DLGAP2: variants seen among roughly 807,000 people sequenced by gnomAD.
DLGAP2 encodes the protein disks large-associated protein 2.
DLGAP2 carries 26 observed loss-of-function variants against 100.3 expected under a neutral mutation model. That is an observed-to-expected ratio of 0.26 (90% CI 0.19 to 0.36). The LOEUF is 0.36. Ranked by LOEUF, DLGAP2 falls within the 10% of genes least tolerant of loss-of-function variation. The pLI is 1.00. For missense variants in DLGAP2, 1,858 were observed against 1,453.2 expected, an observed-to-expected ratio of 1.28 and a Z score of -4.53; for synonymous variants, 886 against 630.1, an observed-to-expected ratio of 1.41 and a Z score of -6.08.
At chr8:1,430,013 T>TATATATATATATATATATATATATATAC (rs1170347980) in intron 3 of DLGAP2, among the ~76,000 whole-genome samples, 2 of 76,062 alleles carry the variant, frequency 2.6e-5, no homozygotes, top group African/African-American at 9.8e-5. Context: ...TATACATATA[T>TATATATATATATATATATATATATATAC]ATATATATAT....
intron 2 of DLGAP2, among the ~76,000 whole-genome samples, chr8:1,005,584 A>ATTTT (rs11370572): frequency 6.9e-6 from 1 of 145,002 alleles, no homozygotes; most frequent in Non-Finnish European, 1.5e-5. Context: ...TGCCCAGCTA[A>ATTTT]TTTTTTTTTT....
At chr8:1,436,942 G>T (rs1797650300) in intron 3 of DLGAP2, among the ~76,000 whole-genome samples, 1 of 152,260 alleles carries the variant, frequency 6.6e-6, no homozygotes, top group African/African-American at 2.4e-5. Context: ...CTTCAGTGCA[G>T]TCACACGCTG....
At chr8:1,087,594 T>G (rs189452890) in intron 2 of DLGAP2, among the ~76,000 whole-genome samples, 2 of 152,132 alleles carry the variant, frequency 1.3e-5, no homozygotes, top group Admixed American at 1.3e-4. Context: ...ATCTTCATCT[T>G]CTAGGCTGTC....
At chr8:1,463,091 A>G (rs563881516) in intron 3 of DLGAP2, among the ~76,000 whole-genome samples, 28 of 152,158 alleles carry the variant, frequency 1.8e-4, no homozygotes, top group Non-Finnish European at 4.0e-4. Context: ...TCTACTAAAA[A>G]TACAAAAATT....
At chr8:811,402 G>A (rs1250881037) in intron 1 of DLGAP2, among the ~76,000 whole-genome samples, 1 of 150,416 alleles carries the variant, frequency 6.6e-6, no homozygotes, top group Non-Finnish European at 1.5e-5. Context: ...CCCAGCCAGG[G>A]CTCCTGCCGT....
chr8:1,137,810 T>G (rs1477057236), intron 2 of DLGAP2: 1 of 152,230 alleles, frequency 6.6e-6, no homozygotes, highest in African/African-American at 2.4e-5. Flanking sequence ...TTTTTTCTTT[T>G]AAGACAGAGT....
intron 2 of DLGAP2, among the ~76,000 whole-genome samples, chr8:1,089,937 G>C (rs188581488): frequency 6.6e-6 from 1 of 152,204 alleles, no homozygotes; most frequent in Non-Finnish European, 1.5e-5. Context: ...GATGAAGTCC[G>C]TGACTTTACT....
At chr8:1,567,218 G>A (rs979720440) in intron 6 of DLGAP2, among the ~76,000 whole-genome samples, 1 of 152,242 alleles carries the variant, frequency 6.6e-6, no homozygotes, top group African/African-American at 2.4e-5. Flanking sequence ...GGAAAGTGAA[G>A]GATTGGACTG....
rs1289043714 is a variant in DLGAP2, at chr8:882,394, C to G, written c.19-25518C>G. The stretch of plus-strand genomic sequence containing the variant: ...ACCCTCGCCTGATCCAGCGGTACCT[C>G]TCCCTGCGGAGGCCTCTCCTGCGCG... On this transcript the variant is annotated intron_variant, in intron 1 of 14. Transcript: ENST00000637795. Among the ~76,000 whole-genome samples the G allele has an allele frequency of 4.1e-5, 6 of 144,822 alleles. No homozygotes were observed. The East Asian group carries it at 1.1e-3, about 26-fold the overall frequency.
At chr8:1,120,493 A>G (rs141214468) in intron 2 of DLGAP2, among the ~76,000 whole-genome samples, 2,070 of 152,192 alleles carry the variant, frequency 0.014, 26 homozygotes, top group Non-Finnish European at 0.022. Context: ...TTCATAGCCC[A>G]CAGCCACCCA....
rs116388571 is a variant in DLGAP2, at chr8:1,464,015, G to A, written c.107-37351G>A. Among the ~76,000 whole-genome samples the A allele has an allele frequency of 4.8e-3, 738 of 152,342 alleles. 2 individuals are homozygous for A. Among genetic ancestry groups the A allele is most frequent in the African/African-American group, 0.017 (688 of 41,566 alleles). On this transcript the variant is annotated intron_variant, in intron 3 of 14. Coordinates refer to ENST00000637795, the MANE Select transcript of DLGAP2 (RefSeq NM_001346810.2). ...TGAAACCTGGAAGAAAAAGACCAAAGTATCATGGGAAAAAAAGGGAAATCA... is the reference window on the plus strand; with the variant it reads ...TGAAACCTGGAAGAAAAAGACCAAAATATCATGGGAAAAAAAGGGAAATCA...
At chr8:1,151,696 T>C (rs1216040812) in intron 2 of DLGAP2, among the ~76,000 whole-genome samples, 2 of 152,198 alleles carry the variant, frequency 1.3e-5, no homozygotes, top group East Asian at 1.9e-4. Flanking sequence ...CTCAAAGCGG[T>C]GCTTAGGCCA....
chr8:1,130,597 A>G lies in DLGAP2; in HGVS notation c.74-128254A>G, dbSNP rs116571187. On this transcript the variant is annotated intron_variant, in intron 2 of 14. Transcript: ENST00000637795. ...CTGTAACTGGTCCCTGGCGACAAGGAGACACCCCCCTGGGTGTTTACCAGG... is the reference window on the plus strand; with the variant it reads ...CTGTAACTGGTCCCTGGCGACAAGGGGACACCCCCCTGGGTGTTTACCAGG... Among the ~76,000 whole-genome samples the G allele has an allele frequency of 5.3e-3, 802 of 152,338 alleles. 7 individuals carry two copies. Among genetic ancestry groups the G allele is most frequent in the African/African-American group, 0.018 (757 of 41,580 alleles).
intron 1 of DLGAP2, among the ~76,000 whole-genome samples, chr8:795,922 C>T (rs113646499): frequency 4.4e-5 from 4 of 90,858 alleles, no homozygotes; most frequent in African/African-American, 7.2e-5. Flanking sequence ...TGAGAACAGG[C>T]GTCCAGTGAG....
chr8:1,382,748 G>C (rs1213959690), intron 3 of DLGAP2, among the ~76,000 whole-genome samples: 2 of 151,896 alleles, frequency 1.3e-5, no homozygotes, highest in Admixed American at 6.6e-5. Context: ...TCTCAAAGGG[G>C]AAAAAAACAA....
chr8:1,420,111 G>T (rs1797046986), intron 3 of DLGAP2, among the ~76,000 whole-genome samples: 6 of 152,158 alleles, frequency 3.9e-5, no homozygotes, highest in Admixed American at 3.9e-4. Context: ...CCTTCCTGGA[G>T]GTCTGGGGTC....
chr8:1,072,800 G>T (rs912122150), intron 2 of DLGAP2, among the ~76,000 whole-genome samples: 2 of 152,216 alleles, frequency 1.3e-5, no homozygotes, highest in Non-Finnish European at 2.9e-5. Context: ...TGTTAGGCAC[G>T]TACCTGGGGT....
intron 3 of DLGAP2, among the ~76,000 whole-genome samples, chr8:1,318,796 C>T (rs1380277576): frequency 2.3e-5 from 3 of 133,022 alleles, no homozygotes; most frequent in African/African-American, 8.4e-5. Flanking sequence ...CCCGCCCCCT[C>T]GCCCATCCTT....
intron 3 of DLGAP2, among the ~76,000 whole-genome samples, chr8:1,267,635 A>AAAATAAAATAAAAAT (rs1563052144): frequency 1.9e-4 from 22 of 113,024 alleles, no homozygotes; most frequent in African/African-American, 7.5e-4. Context: ...AATATTAAAT[A>AAAATAAAATAAAAAT]GGTCTACAAA....
Sources: allele counts gnomAD v4.1 joint callset (sites outside exome capture counted in the v4.1 genomes callset), GRCh38; gene constraint gnomAD v4.1.1; transcripts MANE v1.5; gene names NCBI Gene and HGNC (gene_info 2026-07-23, HGNC 2026-07-21).